The following HPSE2 variants were observed in gnomAD, a reference collection of about 807,000 sequenced individuals.
HPSE2 encodes inactive heparanase-2.
A neutral mutation model predicts 60.5 loss-of-function variants in HPSE2; 38 were observed. The observed-to-expected ratio is 0.63, with a 90% CI of 0.48 to 0.82. The LOEUF is 0.82. HPSE2 is among the 40% of genes least tolerant of loss of function. The probability of loss-of-function intolerance (pLI) is 0.00; values close to 1 mark genes in which losing one functional copy is unlikely to be tolerated. For missense variants in HPSE2, 713 were observed against 740.4 expected, an observed-to-expected ratio of 0.96 and a Z score of 0.43; for synonymous variants, 295 against 293.2, an observed-to-expected ratio of 1.01 and a Z score of -0.06.
intron 3 of HPSE2, among the ~76,000 whole-genome samples, chr10:98,768,498 C>T (rs1000180928): frequency 6.6e-6 from 1 of 152,162 alleles, no homozygotes; most frequent in African/African-American, 2.4e-5. Flanking sequence ...ATGGTGAGCA[C>T]AATTTCAGAT....
intron 3 of HPSE2, among the ~76,000 whole-genome samples, chr10:99,100,961 C>T (rs1388209614): frequency 2.6e-5 from 4 of 152,134 alleles, no homozygotes; most frequent in Non-Finnish European, 4.4e-5. Context: ...CACCACCAGG[C>T]CTGCCCTAAA....
chr10:98,510,192 C>CA (rs1942343907), intron 9 of HPSE2, among the ~76,000 whole-genome samples: 1 of 152,056 alleles, frequency 6.6e-6, no homozygotes. Context: ...TTACTTACTT[C>CA]ACTCACTATT....
the HPSE2 span, among the ~76,000 whole-genome samples, chr10:99,290,702 C>T: frequency 2.7e-3 from 406 of 152,298 alleles, no homozygotes; most frequent in African/African-American, 7.6e-3. Context: ...GAACCTCCCA[C>T]AAATTAGCTG....
At chr10:99,173,630 T>C (rs1348629726) in intron 2 of HPSE2, among the ~76,000 whole-genome samples, 5 of 152,116 alleles carry the variant, frequency 3.3e-5, no homozygotes, top group African/African-American at 1.2e-4. Context: ...TGAAAAAAAT[T>C]ATATTATAAC....
intron 3 of HPSE2, among the ~76,000 whole-genome samples, chr10:98,872,048 C>A (rs542575282): frequency 6.6e-6 from 1 of 152,184 alleles, no homozygotes; most frequent in East Asian, 1.9e-4. Flanking sequence ...TAGGATAAAT[C>A]CTTTTTTTCT....
intron 3 of HPSE2, among the ~76,000 whole-genome samples, chr10:99,092,443 C>A (rs1397688929): frequency 2.0e-5 from 3 of 152,160 alleles, no homozygotes; most frequent in Non-Finnish European, 2.9e-5. Context: ...AAAGCAAGCA[C>A]CTTCACTGAC....
At chr10:98,523,097 GGTTTT>G (rs1368641634) in intron 9 of HPSE2, among the ~76,000 whole-genome samples, 1 of 147,360 alleles carries the variant, frequency 6.8e-6, no homozygotes, top group Non-Finnish European at 1.5e-5. Flanking sequence ...CCATTGGAAA[GGTTTT>G]GTTTTGTTTT....
At chr10:99,232,543 G>A (rs1268458526) in intron 1 of HPSE2, 38 bp from the exon 2 acceptor site, 2 of 1,548,200 alleles carry the variant, frequency 1.3e-6, no homozygotes, top group Non-Finnish European at 8.7e-7. Context: ...AGGTTCCCAG[G>A]ACAGGACGAG....
At chr10:98,819,507 A>AC (rs1951373938) in intron 3 of HPSE2, among the ~76,000 whole-genome samples, 1 of 149,492 alleles carries the variant, frequency 6.7e-6, no homozygotes, top group Non-Finnish European at 1.5e-5. Flanking sequence ...TGTGGCCATT[A>AC]CCTTTTCCCA....
the HPSE2 span, among the ~76,000 whole-genome samples, chr10:99,243,638 T>C: frequency 6.6e-6 from 1 of 152,154 alleles, no homozygotes; most frequent in East Asian, 1.9e-4. Context: ...ATATAAATCA[T>C]GTATATTTAT....
chr10:98,544,824 T>C (rs1016368078), intron 9 of HPSE2, among the ~76,000 whole-genome samples: 5 of 129,042 alleles, frequency 3.9e-5, no homozygotes, highest in Admixed American at 7.6e-5. Flanking sequence ...CTGAAGGAAA[T>C]AGAGACACAA....
At chr10:98,683,546 GA>G (rs1207762113) in intron 6 of HPSE2, among the ~76,000 whole-genome samples, 3 of 151,916 alleles carry the variant, frequency 2.0e-5, no homozygotes, top group Non-Finnish European at 4.4e-5. Context: ...GGGACATTTT[GA>G]GGAATAAAAA....
intron 9 of HPSE2, among the ~76,000 whole-genome samples, chr10:98,542,365 A>G (rs1203682409): frequency 6.6e-6 from 1 of 152,160 alleles, no homozygotes; most frequent in Non-Finnish European, 1.5e-5. Flanking sequence ...AGATAAAACC[A>G]CAAAGATGGG....
chr10:98,841,392 G>A (rs1037078885), intron 3 of HPSE2, among the ~76,000 whole-genome samples: 1 of 151,958 alleles, frequency 6.6e-6, no homozygotes, highest in Non-Finnish European at 1.5e-5. Flanking sequence ...GATTCCTTTG[G>A]TGTTTTTAAA....
At chr10:98,794,782 G>A (rs1198071432) in intron 3 of HPSE2, among the ~76,000 whole-genome samples, 1 of 152,092 alleles carries the variant, frequency 6.6e-6, no homozygotes, top group Non-Finnish European at 1.5e-5. Flanking sequence ...AATATGCTGG[G>A]AAGGTGAGAT....
chr10:98,967,836 T>C (rs148062407), intron 3 of HPSE2, among the ~76,000 whole-genome samples: 396 of 152,008 alleles, frequency 2.6e-3, no homozygotes, highest in Non-Finnish European at 4.7e-3. Flanking sequence ...AACCCAATTA[T>C]GGTGGGTAAC....
At chr10:99,236,223 A>G (rs951473704), upstream of HPSE2, among the ~76,000 whole-genome samples, 2 of 151,296 alleles carry the variant, frequency 1.3e-5, no homozygotes, top group Non-Finnish European at 2.9e-5. Context: ...GTACCCTCCT[A>G]ATTTAACCCT....
intron 2 of HPSE2, among the ~76,000 whole-genome samples, chr10:99,152,294 G>A (rs1042426231): frequency 7.0e-6 from 1 of 142,200 alleles, no homozygotes; most frequent in African/African-American, 2.7e-5. Context: ...CTGGACAACA[G>A]AGCGAGACTC....
chr10:98,866,149 T>G (rs1238605351), intron 3 of HPSE2, among the ~76,000 whole-genome samples: 1 of 152,152 alleles, frequency 6.6e-6, no homozygotes, highest in Non-Finnish European at 1.5e-5. Context: ...TACTTCCATA[T>G]GTTCTAAGAG....
Sources: allele counts gnomAD v4.1 joint callset (sites outside exome capture counted in the v4.1 genomes callset), GRCh38; gene constraint gnomAD v4.1.1; transcripts MANE v1.5; gene names NCBI Gene and HGNC (gene_info 2026-07-23, HGNC 2026-07-21).